Variants in KCNJ15 observed in about 807,000 individuals in gnomAD.
KCNJ15 encodes the protein potassium inwardly rectifying channel subfamily J member 15.
KCNJ15 carries 14 observed loss-of-function variants against 23.0 expected under a neutral mutation model. The observed-to-expected ratio is 0.61, with a 90% CI of 0.40 to 0.95. The LOEUF is 0.95. KCNJ15 is among the 40% of genes least tolerant of loss of function. The pLI is 0.00. For missense variants in KCNJ15, 388 were observed against 461.8 expected, an observed-to-expected ratio of 0.84 and a Z score of 1.46; for synonymous variants, 185 against 183.2, an observed-to-expected ratio of 1.01 and a Z score of -0.08.
chr21:38,236,929 G>A (rs1409733537), intron 1 of KCNJ15, among the ~76,000 whole-genome samples: 1 of 152,166 alleles, frequency 6.6e-6, no homozygotes, highest in Non-Finnish European at 1.5e-5. Context: ...CCTGACTGAA[G>A]GGTCCAGAAG....
At chr21:38,261,602 T>C (rs1394462071) in intron 1 of KCNJ15, among the ~76,000 whole-genome samples, 2 of 152,240 alleles carry the variant, frequency 1.3e-5, no homozygotes, top group Non-Finnish European at 2.9e-5. Context: ...TCTTGTTTCA[T>C]TGGCACCTTG....
chr21:38,274,941 G>GGTAATCATTGAA (rs1274932078), intron 1 of KCNJ15, among the ~76,000 whole-genome samples: 1 of 151,874 alleles, frequency 6.6e-6, no homozygotes, highest in East Asian at 1.9e-4. Context: ...TTTACCTCTA[G>GGTAATCATTGAA]GTACAATGAT....
chr21:38,260,840 C>T (rs746903727), intron 1 of KCNJ15, among the ~76,000 whole-genome samples: 39 of 152,180 alleles, frequency 2.6e-4, no homozygotes, highest in Non-Finnish European at 5.0e-4. Flanking sequence ...CTGTCTCTCC[C>T]ACCCTGCAGC....
chr21:38,250,768 G>T (rs1198569732), intron 1 of KCNJ15, among the ~76,000 whole-genome samples: 2 of 152,210 alleles, frequency 1.3e-5, no homozygotes, highest in African/African-American at 4.8e-5. Flanking sequence ...GCTAAAATAT[G>T]AAAATGGAAG....
chr21:38,283,946 G>A (rs1241547879), intron 1 of KCNJ15, among the ~76,000 whole-genome samples: 3 of 152,214 alleles, frequency 2.0e-5, no homozygotes, highest in Admixed American at 1.3e-4. Context: ...GGCTACTCAG[G>A]CTCAGTCTGG....
chr21:38,299,774 C>T lies in KCNJ15; in HGVS notation c.513C>T (p.Pro171=). ...TGTFLAKIAR[P]KKRAETIKFS... ...CCTTCCTGGCCAAAATCGCCAGACCCAAAAAGCGGGCTGAGACCATCAAGT... is the reference window on the plus strand; with the variant it reads ...CCTTCCTGGCCAAAATCGCCAGACCTAAAAAGCGGGCTGAGACCATCAAGT... The change falls in exon 3 of 3, where the codon CCC becomes CCT. Residue 171 remains proline, a synonymous_variant. Coordinates refer to ENST00000398938, the MANE Select transcript of KCNJ15 (RefSeq NM_170736.3). This position sits in a 1 kb window ranked among gnomAD's most constrained non-coding sequence, Gnocchi z 4.5. 3 of 1,613,998 alleles carry T rather than the reference C, an allele frequency of 1.9e-6. No homozygotes were observed. Among genetic ancestry groups the T allele is most frequent in the Non-Finnish European group, 2.5e-6 (3 of 1,180,004 alleles).
rs766329541 is a variant in KCNJ15 at position 38,306,149 on chromosome 21, T to C, written c.*5760T>C. 7.9e-5 allele frequency: 12 copies of C among 152,228 alleles called. No homozygotes were observed. The highest frequency in any genetic ancestry group is 1.3e-4 in the Non-Finnish European group (9 of 68,038). 9.4% of individuals were successfully genotyped at this position (152,228 alleles called of 1,614,324 possible). On this transcript the variant is annotated 3_prime_UTR_variant, in exon 3 of 3. Transcript: ENST00000398938. ...ACAAAAGAGTCCTCCTAAAAGTCCA[T>C]CACTAAGTTTTGTTTGGTTAGCAAC...
chr21:38,233,548 A>T lies in KCNJ15; in HGVS notation c.-398-23498A>T, dbSNP rs149775809. Among the ~76,000 whole-genome samples the T allele has an allele frequency of 2.4e-3, 361 of 152,026 alleles. 2 individuals are homozygous for T. The highest frequency in any genetic ancestry group is 8.5e-3 in the African/African-American group (352 of 41,494). On this transcript the variant is annotated intron_variant, in intron 1 of 4. Transcript: ENST00000547341. ...TCTTTTGTATTAAATTAATGTTTGA[A>T]GTATAATATTTTAATTTTTAGTGAT...
rs2146359195 is a variant in KCNJ15, at chr21:38,302,127, A to G, written c.*1738A>G. 6.6e-6 allele frequency: 1 copy of G among 152,384 alleles called. No homozygotes were observed. Among genetic ancestry groups the G allele is most frequent in the Admixed American group, 6.5e-5 (1 of 15,314 alleles). 9.4% of individuals were successfully genotyped at this position (152,384 alleles called of 1,614,324 possible). A position where few individuals can be genotyped will look rare whatever the true frequency, so the allele number is the denominator to read the frequency against. ...TTCAAGCATAATCATGGTAGTCATCAGTGAAAGACATTTGAGGTTAAGACA... is the reference window on the plus strand; with the variant it reads ...TTCAAGCATAATCATGGTAGTCATCGGTGAAAGACATTTGAGGTTAAGACA... On this transcript the variant is annotated 3_prime_UTR_variant, in exon 3 of 3. Coordinates refer to ENST00000398938, the MANE Select transcript of KCNJ15 (RefSeq NM_170736.3).
At chr21:38,266,131 T>TTTTG (rs201442141) in intron 1 of KCNJ15, among the ~76,000 whole-genome samples, 4,081 of 152,172 alleles carry the variant, frequency 0.027, 75 homozygotes, top group Non-Finnish European at 0.038. Context: ...AAGTATTTCT[T>TTTTG]TTTGTTTGTT....
intron 1 of KCNJ15, chr21:38,237,358 GTTTAAA>G (rs1392983887): frequency 2.6e-5 from 4 of 152,226 alleles, no homozygotes; most frequent in Non-Finnish European, 5.9e-5. Context: ...GGCTTGTGGG[GTTTAAA>G]TTTCCCACCA....
At chr21:38,248,116 G>C (rs1156334851) in intron 1 of KCNJ15, among the ~76,000 whole-genome samples, 1 of 152,206 alleles carries the variant, frequency 6.6e-6, no homozygotes, top group African/African-American at 2.4e-5. Flanking sequence ...GCAAATAGCA[G>C]ACATATCTTT....
At chr21:38,247,121 G>GATGGATGCATGGATGGATGGATGGATAA (rs1979449135) in intron 1 of KCNJ15, among the ~76,000 whole-genome samples, 1 of 134,946 alleles carries the variant, frequency 7.4e-6, no homozygotes, top group Non-Finnish European at 1.6e-5. Flanking sequence ...TGGATGGATG[G>GATGGATGCATGGATGGATGGATGGATAA]ATGGATGCAT....
intron 1 of KCNJ15, among the ~76,000 whole-genome samples, chr21:38,262,377 A>T (rs988898939): frequency 2.6e-5 from 4 of 152,226 alleles, no homozygotes; most frequent in East Asian, 1.9e-4. Context: ...GTTTGTGGAA[A>T]GAATTTATAT....
At chr21:38,297,674 C>G (rs1280528226) in intron 2 of KCNJ15, among the ~76,000 whole-genome samples, 1 of 152,124 alleles carries the variant, frequency 6.6e-6, no homozygotes, top group African/African-American at 2.4e-5. Context: ...ATAGTAAGGC[C>G]CTAGTTCATC....
intron 1 of KCNJ15, chr21:38,238,203 C>T (rs558894071): frequency 1.7e-4 from 82 of 482,328 alleles, no homozygotes; most frequent in Admixed American, 1.5e-3. Flanking sequence ...TACCTTCTGC[C>T]CCAGCCCAAG....
intron 1 of KCNJ15, among the ~76,000 whole-genome samples, chr21:38,274,695 A>G (rs914954928): frequency 2.0e-5 from 3 of 152,116 alleles, no homozygotes; most frequent in East Asian, 1.9e-4. Flanking sequence ...CCCTCCTCCA[A>G]TATTGACCTC....
chr21:38,283,529 A>G (rs1352954528), intron 1 of KCNJ15, among the ~76,000 whole-genome samples: 1 of 152,204 alleles, frequency 6.6e-6, no homozygotes, highest in Non-Finnish European at 1.5e-5. Context: ...TGTTTTATAA[A>G]TTTAAAACCA....
chr21:38,238,525 G>T, intron 1 of KCNJ15: 1 of 640,354 alleles, frequency 1.6e-6, no homozygotes. Context: ...GACCATCTCC[G>T]GCAATGCCAC....
Sources: gnomAD v4.1 joint callset for allele counts (sites outside exome capture counted in the v4.1 genomes callset) on GRCh38, gnomAD v4.1.1 for gene constraint, Gnocchi (gnomAD v3.1) non-coding constraint, MANE v1.5 for transcripts, NCBI Gene and HGNC (gene_info 2026-07-23, HGNC 2026-07-21) for gene names.